Variants in PCDH15 observed in about 807,000 individuals in gnomAD.
The protein encoded by PCDH15 is protocadherin-15.
PCDH15 carries 129 observed loss-of-function variants against 178.5 expected under a neutral mutation model. The observed-to-expected ratio is 0.72, with a 90% CI of 0.63 to 0.84. The LOEUF (loss-of-function observed/expected upper bound fraction) is 0.84. Ranked by LOEUF, PCDH15 falls within the 40% of genes least tolerant of loss-of-function variation. The pLI is 0.00. For synonymous variants in PCDH15, 800 were observed against 732.0 expected (o/e 1.09, Z -1.50); for missense variants, 2,230 against 2,099.9 (o/e 1.06, Z -1.21).
intron 3 of PCDH15, among the ~76,000 whole-genome samples, chr10:54,829,575 C>T (rs1953188311): frequency 6.6e-6 from 1 of 152,006 alleles, no homozygotes; most frequent in Non-Finnish European, 1.5e-5. Context: ...GTAAATGGTA[C>T]AGCCAGAAAT....
chr10:55,544,009 T>C (rs1483169613), intron 2 of PCDH15, among the ~76,000 whole-genome samples: 3 of 150,898 alleles, frequency 2.0e-5, no homozygotes, highest in African/African-American at 7.3e-5. Context: ...CTTACTGGTA[T>C]AAATAATTGA....
At chr10:55,145,786 A>G (rs1838491315) in intron 2 of PCDH15, among the ~76,000 whole-genome samples, 1 of 151,994 alleles carries the variant, frequency 6.6e-6, no homozygotes, top group African/African-American at 2.4e-5. Flanking sequence ...CCTACTGAAT[A>G]ACATTTATCA....
At chr10:54,090,298 T>C (rs2094578561) in intron 15 of PCDH15, among the ~76,000 whole-genome samples, 1 of 152,224 alleles carries the variant, frequency 6.6e-6, no homozygotes, top group Admixed American at 6.5e-5. Flanking sequence ...GGTTTACTTA[T>C]TTAATTAACT....
intron 2 of PCDH15, among the ~76,000 whole-genome samples, chr10:55,516,712 A>C (rs1029394761): frequency 6.6e-6 from 1 of 152,158 alleles, no homozygotes; most frequent in African/African-American, 2.4e-5. Flanking sequence ...TTTTATATGA[A>C]TATTTGACCA....
intron 3 of PCDH15, among the ~76,000 whole-genome samples, chr10:54,454,692 A>C (rs1389662332): frequency 1.3e-5 from 2 of 152,172 alleles, no homozygotes; most frequent in Non-Finnish European, 2.9e-5. Context: ...TTTGCTTTCT[A>C]AAAAGAAACC....
chr10:55,068,768 A>G (rs1368521592), intron 2 of PCDH15, among the ~76,000 whole-genome samples: 2 of 102,510 alleles, frequency 2.0e-5, no homozygotes, highest in Non-Finnish European at 4.5e-5. Context: ...TTCTTTCATC[A>G]TTGTGTGTGT....
intron 25 of PCDH15, among the ~76,000 whole-genome samples, chr10:53,934,597 CAA>C (rs201193553): frequency 1.4e-4 from 17 of 121,318 alleles, no homozygotes; most frequent in East Asian, 6.7e-4. Context: ...GACTCTGTCT[CAA>C]AAAAAAAAAA....
chr10:55,391,724 G>A (rs576654042), intron 2 of PCDH15, among the ~76,000 whole-genome samples: 2 of 152,180 alleles, frequency 1.3e-5, no homozygotes, highest in Non-Finnish European at 2.9e-5. Flanking sequence ...CTGACCTTGT[G>A]ATCTACCCTC....
intron 17 of PCDH15, among the ~76,000 whole-genome samples, chr10:54,067,825 G>C (rs2094166324): frequency 6.6e-6 from 1 of 152,094 alleles, no homozygotes; most frequent in Admixed American, 6.5e-5. Flanking sequence ...TCCACCTTTT[G>C]TTTAAAAAAA....
At chr10:54,873,192 G>C (rs1016592432) in intron 3 of PCDH15, among the ~76,000 whole-genome samples, 3 of 151,958 alleles carry the variant, frequency 2.0e-5, no homozygotes, top group African/African-American at 7.2e-5. Flanking sequence ...ATATATCGTA[G>C]GTTCTCACTT....
chr10:54,478,094 T>C (rs1272227134), intron 3 of PCDH15, among the ~76,000 whole-genome samples: 1 of 152,120 alleles, frequency 6.6e-6, no homozygotes, highest in Non-Finnish European at 1.5e-5. Context: ...AATAATATTT[T>C]CAGTGTTTTT....
chr10:55,359,029 A>C (rs1242945655), intron 2 of PCDH15, among the ~76,000 whole-genome samples: 1 of 151,928 alleles, frequency 6.6e-6, no homozygotes, highest in Non-Finnish European at 1.5e-5. Context: ...CCTTCTCTAA[A>C]AACAATAATT....
At chr10:55,520,540 T>C (rs1027724913) in intron 2 of PCDH15, among the ~76,000 whole-genome samples, 6 of 149,388 alleles carry the variant, frequency 4.0e-5, no homozygotes, top group African/African-American at 1.5e-4. Context: ...TATATGTATA[T>C]ATATTTATTT....
At position 53,903,229 on chromosome 10, in the gene PCDH15, A is replaced by T. The variant is rs751214050; in HGVS notation, c.3501+14T>A. On this transcript the variant is annotated intron_variant, in intron 26 of 37. Transcript: ENST00000644397. ...TTTTACTTTAGTTCTGTATATTAAC[A>T]TAATTCCGCATACCTTCACTCTGAG... 2 of 1,611,998 alleles carry T rather than the reference A, an allele frequency of 1.2e-6. No homozygotes were observed. The highest frequency in any genetic ancestry group is 3.3e-5 in the Admixed American group (2 of 59,984).
chr10:54,728,356 A>G (rs1393620919), intron 1 of PCDH15, among the ~76,000 whole-genome samples: 1 of 151,584 alleles, frequency 6.6e-6, no homozygotes, highest in Non-Finnish European at 1.5e-5. Flanking sequence ...ATCTCAATAG[A>G]CACAGAAAAG....
chr10:54,488,133 C>G (rs2079261249), intron 3 of PCDH15, among the ~76,000 whole-genome samples: 1 of 151,682 alleles, frequency 6.6e-6, no homozygotes, highest in Non-Finnish European at 1.5e-5. Flanking sequence ...AATTCCTAAA[C>G]TTTTCATACT....
At chr10:55,325,871 T>A (rs752610631) in intron 2 of PCDH15, among the ~76,000 whole-genome samples, 1 of 151,822 alleles carries the variant, frequency 6.6e-6, no homozygotes, top group Non-Finnish European at 1.5e-5. Flanking sequence ...TCAGAATCCA[T>A]AAAGAACTTA....
At chr10:54,437,069 G>A (rs1183729496) in intron 3 of PCDH15, among the ~76,000 whole-genome samples, 1 of 152,120 alleles carries the variant, frequency 6.6e-6, no homozygotes, top group East Asian at 1.9e-4. Flanking sequence ...TGTCTAATTA[G>A]CACGGACTCT....
In PCDH15 at chr10:55,066,836, G is replaced by T. The variant is rs1000886711; in HGVS notation, c.-80+99740C>A. ...CTAGTTTTATTTGTGAGTGAATAAA[G>T]TTCTAATGTTCGATAGCAGACTACA... On this transcript the variant is annotated intron_variant, in intron 2 of 5. Transcript: ENST00000458638. Among the ~76,000 whole-genome samples the T allele has an allele frequency of 3.5e-4, 53 of 151,018 alleles. 1 individual carries two copies. Among genetic ancestry groups the T allele is most frequent in the Non-Finnish European group, 7.4e-5 (5 of 67,568 alleles).
Sources: allele counts gnomAD v4.1 joint callset (sites outside exome capture counted in the v4.1 genomes callset), GRCh38; gene constraint gnomAD v4.1.1; transcripts MANE v1.5; gene names NCBI Gene and HGNC (gene_info 2026-07-23, HGNC 2026-07-21).